The following PCDH15 variants were observed in gnomAD, a reference collection of about 807,000 sequenced individuals.
PCDH15 encodes protocadherin-15.
A neutral mutation model predicts 178.5 loss-of-function variants in PCDH15; 129 were observed. The ratio of observed to expected loss-of-function variants is 0.72; its 90% CI spans 0.63 to 0.84. PCDH15 has a LOEUF of 0.84. Among genes scored for constraint, PCDH15 ranks in the 40% least tolerant of loss-of-function variants. The pLI is 0.00. For missense variants in PCDH15, 2,230 were observed against 2,099.9 expected, an observed-to-expected ratio of 1.06 and a Z score of -1.21; for synonymous variants, 800 against 732.0, an observed-to-expected ratio of 1.09 and a Z score of -1.50.
At chr10:55,505,269 A>G (rs1589090154) in intron 2 of PCDH15, among the ~76,000 whole-genome samples, 1 of 151,500 alleles carries the variant, frequency 6.6e-6, no homozygotes, top group East Asian at 1.9e-4. Flanking sequence ...GTAAGCAATT[A>G]AGAGCTATTA....
intron 2 of PCDH15, among the ~76,000 whole-genome samples, chr10:55,552,023 AAAC>A (rs1842012449): frequency 6.6e-6 from 1 of 151,750 alleles, no homozygotes; most frequent in Non-Finnish European, 1.5e-5. Flanking sequence ...ACAAGTGAAA[AAAC>A]AAAAAGTATC....
At chr10:55,069,528 T>C (rs960647877) in intron 2 of PCDH15, among the ~76,000 whole-genome samples, 1 of 140,386 alleles carries the variant, frequency 7.1e-6, no homozygotes, top group Non-Finnish European at 1.5e-5. Context: ...ATATGCGGTG[T>C]TTGGTTTTTT....
chr10:55,035,848 G>A (rs1200822765), intron 2 of PCDH15, among the ~76,000 whole-genome samples: 1 of 152,234 alleles, frequency 6.6e-6, no homozygotes, highest in African/African-American at 2.4e-5. Flanking sequence ...GGTAGCCAGA[G>A]TGTGAATGTC....
chr10:54,592,310 T>TGTCC, intron 2 of PCDH15, among the ~76,000 whole-genome samples: 1 of 150,016 alleles, frequency 6.7e-6, no homozygotes, highest in Admixed American at 6.7e-5. Flanking sequence ...CTCCCCTCCC[T>TGTCC]CCTTCCCTTC....
Position 55,359,090 on chromosome 10 carries a change from T to C in PCDH15, c.-155-192439A>G, listed in dbSNP as rs951093143. Among the ~76,000 whole-genome samples, 5 of 151,980 alleles carry C rather than the reference T, an allele frequency of 3.3e-5. No homozygotes were observed. In the South Asian group the frequency reaches 8.3e-4, roughly 25 times the overall value. On this transcript the variant is annotated intron_variant, in intron 2 of 5. Coordinates refer to the PCDH15 transcript ENST00000613346. ...GCACATGCCTGGAGTCCTAGCTCCT[T>C]GGGAGGCTGAAGTGGGAGGATTGCT... is the stretch of plus-strand genomic sequence containing the variant.
intron 2 of PCDH15, among the ~76,000 whole-genome samples, chr10:55,123,716 CATAGAAACACATATGGAACT>C (rs1837829257): frequency 1.3e-5 from 2 of 152,102 alleles, no homozygotes; most frequent in Admixed American, 1.3e-4. Context: ...ACTCAAATCC[CATAGAAACACATATGGAACT>C]ATATGAAGTG....
chr10:55,295,563 T>C (rs1843112019), intron 1 of PCDH15, among the ~76,000 whole-genome samples: 1 of 152,226 alleles, frequency 6.6e-6, no homozygotes, highest in Non-Finnish European at 1.5e-5. Context: ...TATTAGGTAA[T>C]GAAAAATGAT....
chr10:55,602,060 C>T (rs1589170870), intron 2 of PCDH15, among the ~76,000 whole-genome samples: 2 of 152,084 alleles, frequency 1.3e-5, no homozygotes, highest in Admixed American at 1.3e-4. Flanking sequence ...CAGGGCGAGG[C>T]GTTGCCTCAC....
At chr10:54,582,956 T>C (rs2091166525) in intron 2 of PCDH15, among the ~76,000 whole-genome samples, 1 of 152,134 alleles carries the variant, frequency 6.6e-6, no homozygotes, top group Non-Finnish European at 1.5e-5. Context: ...TTATTTAGCA[T>C]ATTAATAAAA....
At chr10:55,318,404 A>T (rs1413169952) in intron 1 of PCDH15, among the ~76,000 whole-genome samples, 1 of 152,176 alleles carries the variant, frequency 6.6e-6, no homozygotes, top group African/African-American at 2.4e-5. Flanking sequence ...TTCATAATGA[A>T]AATATAGTTC....
At chr10:54,631,421 G>T (rs896193161) in intron 2 of PCDH15, among the ~76,000 whole-genome samples, 1 of 152,124 alleles carries the variant, frequency 6.6e-6, no homozygotes, top group Non-Finnish European at 1.5e-5. Context: ...AGTTGCTGAG[G>T]CTGTGGAGAA....
intron 26 of PCDH15, among the ~76,000 whole-genome samples, chr10:53,876,463 G>A (rs914210120): frequency 2.0e-5 from 3 of 152,108 alleles, no homozygotes; most frequent in South Asian, 4.1e-4. Context: ...TGGGATTACA[G>A]GCATGAGCCA....
chr10:55,285,241 A>G (rs1361635529), intron 1 of PCDH15, among the ~76,000 whole-genome samples: 1 of 150,684 alleles, frequency 6.6e-6, no homozygotes, highest in East Asian at 2.0e-4. Context: ...ATATAAATAC[A>G]ATATATTTAT....
chr10:55,396,065 T>C (rs1278007462), intron 2 of PCDH15, among the ~76,000 whole-genome samples: 1 of 152,040 alleles, frequency 6.6e-6, no homozygotes, highest in Admixed American at 6.6e-5. Flanking sequence ...ATTCGTTAGA[T>C]AAAAAATAGA....
chr10:54,075,650 C>A (rs1191885751), intron 17 of PCDH15, among the ~76,000 whole-genome samples: 1 of 152,070 alleles, frequency 6.6e-6, no homozygotes, highest in South Asian at 2.1e-4. Flanking sequence ...CATTTTAGGT[C>A]ATGAATCACT....
chr10:55,333,900 G>A (rs1007921168), intron 2 of PCDH15, among the ~76,000 whole-genome samples: 1 of 151,726 alleles, frequency 6.6e-6, no homozygotes, highest in Non-Finnish European at 1.5e-5. Context: ...TGTAAACCTT[G>A]GCAATCCTTG....
In PCDH15 at chr10:54,101,270, T is replaced by C. The variant is rs528893166; in HGVS notation, c.1918-11207A>G. On this transcript the variant is annotated intron_variant, in intron 15 of 37. Transcript: ENST00000644397. ...CCAGCTACATGAACTGTAAGTCCAATTGAACCTCTTTCTTTTGTAAATTGC... is the reference window on the plus strand; with the variant it reads ...CCAGCTACATGAACTGTAAGTCCAACTGAACCTCTTTCTTTTGTAAATTGC... Among the ~76,000 whole-genome samples, 10 of 152,332 alleles carry C rather than the reference T, an allele frequency of 6.6e-5. No individual in the cohort carries two copies. The South Asian group carries it at 2.1e-3, about 32-fold the overall frequency.
At chr10:55,118,458 T>C (rs1343051168) in intron 2 of PCDH15, among the ~76,000 whole-genome samples, 1 of 152,158 alleles carries the variant, frequency 6.6e-6, no homozygotes, top group Non-Finnish European at 1.5e-5. Context: ...TCCCTTACAA[T>C]GACTTTCAAC....
intron 2 of PCDH15, among the ~76,000 whole-genome samples, chr10:55,148,330 A>G (rs1838590503): frequency 1.3e-5 from 2 of 151,934 alleles, no homozygotes; most frequent in Admixed American, 6.6e-5. Flanking sequence ...CCCAGAAGAT[A>G]GTAAGTCACA....
Sources: gnomAD v4.1 joint callset for allele counts (sites outside exome capture counted in the v4.1 genomes callset) on GRCh38, gnomAD v4.1.1 for gene constraint, MANE v1.5 for transcripts, NCBI Gene and HGNC (gene_info 2026-07-23, HGNC 2026-07-21) for gene names.